Variants in PRKD1 observed in about 807,000 individuals in gnomAD.
The protein encoded by PRKD1 is protein kinase D1, also known as serine/threonine-protein kinase D1.
PRKD1 carries 63 observed loss-of-function variants against 95.9 expected under a neutral mutation model. That is an observed-to-expected ratio of 0.66 (90% CI 0.54 to 0.81). The LOEUF (loss-of-function observed/expected upper bound fraction) is 0.81. PRKD1 is among the 30% of genes least tolerant of loss of function. The probability of loss-of-function intolerance (pLI) is 0.00; values close to 1 mark genes in which losing one functional copy is unlikely to be tolerated. For missense variants in PRKD1, 1,048 were observed against 1,165.3 expected (o/e 0.90, Z 1.47); for synonymous variants, 425 against 423.1 (o/e 1.00, Z -0.05).
intron 4 of PRKD1, among the ~76,000 whole-genome samples, chr14:29,663,071 A>T (rs1323735129): frequency 6.9e-6 from 1 of 145,772 alleles, no homozygotes; most frequent in East Asian, 2.0e-4. Flanking sequence ...TTTATATATA[A>T]TATATATAAA....
chr14:29,893,841 C>T (rs1894024794), intron 1 of PRKD1, among the ~76,000 whole-genome samples: 1 of 152,198 alleles, frequency 6.6e-6, no homozygotes, highest in Non-Finnish European at 1.5e-5. Flanking sequence ...TTACTGAAAA[C>T]TGCCTGTGAG....
At chr14:29,598,271 CTAAAATAAAATAAAATAAAATAAAA>C (rs199974379) in intron 15 of PRKD1, among the ~76,000 whole-genome samples, 8,367 of 131,462 alleles carry the variant, frequency 0.064, 860 homozygotes, top group African/African-American at 0.22. Flanking sequence ...AGTGCTCTGT[CTAAAATAAAATAAAATAAAATAAAA>C]TAAAATAAAA....
intron 1 of PRKD1, among the ~76,000 whole-genome samples, chr14:29,845,467 T>C (rs1465767900): frequency 6.6e-6 from 1 of 152,160 alleles, no homozygotes; most frequent in East Asian, 1.9e-4. Flanking sequence ...ATTTTTTGTA[T>C]TGAAGTTCAA....
At chr14:29,922,300 CAAAAAAA>C (rs749652649) in intron 1 of PRKD1, among the ~76,000 whole-genome samples, 15 of 73,818 alleles carry the variant, frequency 2.0e-4, no homozygotes, top group African/African-American at 6.7e-4. Flanking sequence ...GACTCCATCT[CAAAAAAA>C]AAAAAAAAGA....
intron 16 of PRKD1, among the ~76,000 whole-genome samples, chr14:29,581,584 C>T (rs1892758387): frequency 6.6e-6 from 1 of 152,146 alleles, no homozygotes; most frequent in African/African-American, 2.4e-5. Context: ...AACACTATGG[C>T]AGACTGCAGC....
chr14:29,925,011 A>G (rs1306814957), intron 1 of PRKD1, among the ~76,000 whole-genome samples: 1 of 152,226 alleles, frequency 6.6e-6, no homozygotes, highest in African/African-American at 2.4e-5. Context: ...TTCTGTATAT[A>G]AATAACCCTC....
At chr14:29,753,970 A>G (rs569870819) in intron 1 of PRKD1, among the ~76,000 whole-genome samples, 34 of 152,288 alleles carry the variant, frequency 2.2e-4, no homozygotes, top group Non-Finnish European at 4.0e-4. Context: ...GCTGAGTTAC[A>G]GTATTCATTT....
chr14:29,782,402 C>T (rs1889086515), intron 1 of PRKD1, among the ~76,000 whole-genome samples: 1 of 152,154 alleles, frequency 6.6e-6, no homozygotes, highest in Non-Finnish European at 1.5e-5. Flanking sequence ...AAAAAAAATA[C>T]TGACTATAAT....
At chr14:29,704,176 C>G (rs896952368) in intron 2 of PRKD1, among the ~76,000 whole-genome samples, 3 of 152,036 alleles carry the variant, frequency 2.0e-5, no homozygotes, top group Admixed American at 6.6e-5. Context: ...CTTGCCATAG[C>G]TGACAGAGAC....
intron 1 of PRKD1, among the ~76,000 whole-genome samples, chr14:29,859,661 C>T (rs1187673331): frequency 6.6e-6 from 1 of 151,352 alleles, no homozygotes; most frequent in Admixed American, 6.6e-5. Context: ...AGTCAACAAG[C>T]TTCCTCATGT....
At chr14:29,769,293 G>A (rs115239625) in intron 1 of PRKD1, among the ~76,000 whole-genome samples, 2,445 of 152,104 alleles carry the variant, frequency 0.016, 67 homozygotes, top group African/African-American at 0.052. Context: ...TGCCAGCCAG[G>A]TGTGGTGGCT....
At chr14:29,879,851 G>A (rs926393104) in intron 1 of PRKD1, among the ~76,000 whole-genome samples, 4 of 152,096 alleles carry the variant, frequency 2.6e-5, no homozygotes, top group Non-Finnish European at 4.4e-5. Context: ...GCAGCATTTC[G>A]CCCCTGCCCT....
At position 29,927,538 on chromosome 14, in the gene PRKD1, A is replaced by C; in HGVS notation, c.-26T>G. The C allele has an allele frequency of 1.7e-6, 2 of 1,151,406 alleles. No homozygotes were observed. The highest frequency in any genetic ancestry group is 2.1e-6 in the Non-Finnish European group (2 of 937,072). The allele number at this position is 1,151,406 out of a possible 1,614,324, so 71.3% of individuals were successfully genotyped here. A position where few individuals can be genotyped will look rare whatever the true frequency, so the allele number is the denominator to read the frequency against. ...CGCTCGGCGGGGCGCAGGGCCGGGC[A>C]GCGGAGGGCGGGGGCTGGCGGCGCG... On this transcript the variant is annotated 5_prime_UTR_variant, in exon 1 of 18. Transcript: ENST00000331968.
chr14:29,650,688 C>A (rs7149677), intron 4 of PRKD1, among the ~76,000 whole-genome samples: 3,343 of 152,244 alleles, frequency 0.022, 111 homozygotes, highest in African/African-American at 0.071. Flanking sequence ...CTACTTGATG[C>A]AGGAATCAGG....
intron 1 of PRKD1, among the ~76,000 whole-genome samples, chr14:29,807,697 C>G (rs1220506382): frequency 6.6e-6 from 1 of 151,724 alleles, no homozygotes; most frequent in East Asian, 1.9e-4. Context: ...CATACCAGCC[C>G]AATTTCTTTT....
chr14:29,623,709 G>C (rs928101760), intron 13 of PRKD1, among the ~76,000 whole-genome samples: 7 of 152,186 alleles, frequency 4.6e-5, no homozygotes, highest in Admixed American at 6.5e-5. Flanking sequence ...TACAGTGAGA[G>C]ACAAAGAGGA....
chr14:29,734,622 T>C (rs1886630627), intron 1 of PRKD1, among the ~76,000 whole-genome samples: 2 of 152,160 alleles, frequency 1.3e-5, no homozygotes, highest in African/African-American at 4.8e-5. Flanking sequence ...ATTTGCTTGA[T>C]AGAAACTCGA....
intron 13 of PRKD1, among the ~76,000 whole-genome samples, chr14:29,608,883 C>T (rs182259746): frequency 1.3e-5 from 2 of 152,198 alleles, no homozygotes; most frequent in Admixed American, 6.5e-5. Context: ...TTTGGGGGTA[C>T]CATGTTTTGA....
At chr14:29,617,063 C>T (rs1878915679) in intron 13 of PRKD1, among the ~76,000 whole-genome samples, 2 of 152,116 alleles carry the variant, frequency 1.3e-5, no homozygotes, top group South Asian at 2.1e-4. Flanking sequence ...ATTTTGTTTC[C>T]TGTTCCTGTG....
Sources: gnomAD v4.1 joint callset for allele counts (sites outside exome capture counted in the v4.1 genomes callset) on GRCh38, gnomAD v4.1.1 for gene constraint, MANE v1.5 for transcripts, NCBI Gene and HGNC (gene_info 2026-07-23, HGNC 2026-07-21) for gene names.